Variants in C18orf63 observed in about 807,000 individuals in gnomAD.
The protein encoded by C18orf63 is uncharacterized protein C18orf63.
Under a neutral mutation model 75.3 loss-of-function variants are expected in C18orf63, and 50 were observed. The ratio of observed to expected loss-of-function variants is 0.66; its 90% CI spans 0.53 to 0.84. The LOEUF (loss-of-function observed/expected upper bound fraction) is 0.84. Among genes scored for constraint, C18orf63 ranks in the 40% least tolerant of loss-of-function variants. The pLI, the probability that C18orf63 is intolerant of heterozygous loss-of-function variation, is 0.00. For missense variants in C18orf63, 732 were observed against 800.2 expected (o/e 0.91, Z 1.03); for synonymous variants, 232 against 267.6 (o/e 0.87, Z 1.30).
At position 74,354,204 on chromosome 18, in the gene C18orf63, A is replaced by G. The variant is rs1599011076; in HGVS notation, c.1937A>G (p.Lys646Arg). ...SKRKLCPESS[K>R]TSKKHHSDTV... Reference sequence around the variant, plus strand: ...AGAAAATTATGTCCAGAGTCTTCCAAAACTTCAAAGAAGCATCATTCCGAT... The same window carrying G: ...AGAAAATTATGTCCAGAGTCTTCCAGAACTTCAAAGAAGCATCATTCCGAT... The change falls in exon 12 of 14, where the codon AAA becomes AGA. Residue 646 changes from lysine (K) to arginine (R), a missense_variant. Transcript: ENST00000579455. 4.6e-6 allele frequency: 7 copies of G among 1,536,100 alleles called. No homozygotes were observed. Among genetic ancestry groups the G allele is most frequent in the African/African-American group, 1.4e-5 (1 of 72,996 alleles).
At position 74,358,702 on chromosome 18, in the gene C18orf63, C is replaced by T. The variant is rs1189756229; in HGVS notation, c.*2255C>T. The T allele has an allele frequency of 6.6e-6, 1 of 152,010 alleles. No individual in the cohort carries two copies. The highest frequency in any genetic ancestry group is 1.5e-5 in the Non-Finnish European group (1 of 67,996). 9.4% of individuals were successfully genotyped at this position (152,010 alleles called of 1,614,324 possible). On this transcript the variant is annotated 3_prime_UTR_variant, in exon 14 of 14. Transcript: ENST00000579455. ...CCATAAGAAAATAATTTTATGTTTG[C>T]CTATGTCCAGGAGCTGAAGAAATCA... is the stretch of plus-strand genomic sequence containing the variant.
chr18:74,324,885 T>C (rs1234722242), intron 4 of C18orf63, among the ~76,000 whole-genome samples: 1 of 152,230 alleles, frequency 6.6e-6, no homozygotes, highest in African/African-American at 2.4e-5. Flanking sequence ...CAACCCTGAA[T>C]TCTTTATTAT....
intron 7 of C18orf63, among the ~76,000 whole-genome samples, chr18:74,336,696 T>G (rs1358506160): frequency 1.3e-5 from 2 of 152,080 alleles, no homozygotes; most frequent in Non-Finnish European, 2.9e-5. Flanking sequence ...TTCAAATGAA[T>G]GTACTAATGG....
chr18:74,353,823 C>T lies in C18orf63; in HGVS notation c.1556C>T (p.Ser519Phe), dbSNP rs1238344198. 10 of 1,535,932 alleles carry T rather than the reference C, an allele frequency of 6.5e-6. No individual in the cohort carries two copies. Among genetic ancestry groups the T allele is most frequent in the African/African-American group, 5.5e-5 (4 of 73,122 alleles). The stretch of plus-strand genomic sequence containing the variant: ...CTGCAAGAAAAAAATACAGAGTCTT[C>T]TGAAAATATGACAAAATTTCCCTCT... ...RPLQEKNTESSENMTKFPSSR... is the reference protein window; with the variant it reads ...RPLQEKNTESFENMTKFPSSR... Residue 519 changes from serine (S) to phenylalanine (F), a missense_variant, in exon 12 of 14, where the codon TCT becomes TTT. Transcript: ENST00000579455.
rs1253453817 is a variant in C18orf63 at position 74,358,410 on chromosome 18, T to C, written c.*1963T>C. On this transcript the variant is annotated 3_prime_UTR_variant, in exon 14 of 14. Coordinates refer to ENST00000579455, the MANE Select transcript of C18orf63 (RefSeq NM_001174123.2). ...TAATATAGATAGGTATATAGATTGT[T>C]GATTTCATATTTCATGTTCCAAGAA... 2.0e-5 allele frequency: 3 copies of C among 152,214 alleles called. No homozygotes were observed. The highest frequency in any genetic ancestry group is 4.4e-5 in the Non-Finnish European group (3 of 68,024). The allele number at this position is 152,214 out of a possible 1,614,324, so 9.4% of individuals were successfully genotyped here.
At chr18:74,319,284 T>A (rs1218917237) in intron 2 of C18orf63, among the ~76,000 whole-genome samples, 1 of 152,132 alleles carries the variant, frequency 6.6e-6, no homozygotes, top group African/African-American at 2.4e-5. Flanking sequence ...AGCATTTGGC[T>A]CTCTCTAGTA....
intron 1 of C18orf63, among the ~76,000 whole-genome samples, chr18:74,317,511 G>A (rs1486398768): frequency 6.6e-6 from 1 of 152,200 alleles, no homozygotes; most frequent in Non-Finnish European, 1.5e-5. Context: ...TATAGAAAAA[G>A]GAGTGATGAA....
chr18:74,341,787 C>T (rs1409687465), intron 8 of C18orf63, among the ~76,000 whole-genome samples: 1 of 151,536 alleles, frequency 6.6e-6, no homozygotes. Flanking sequence ...CTTAGCAATC[C>T]ACAATGTATA....
rs183129362 is a variant in C18orf63, at chr18:74,353,670, T to C, written c.1403T>C (p.Leu468Ser). ...RKQHDVTQSK[L>S]FSLKTSMIQH... is the part of the protein sequence containing the mutation. Reference sequence around the variant, plus strand: ...CAGCATGATGTGACACAATCTAAATTGTTTTCACTCAAAACTAGTATGATC... The same window carrying C: ...CAGCATGATGTGACACAATCTAAATCGTTTTCACTCAAAACTAGTATGATC... The change falls in exon 12 of 14, where the codon TTG (leucine) becomes TCG (serine). Residue 468 changes from leucine to serine, a missense_variant. Physicochemically the swap from Leu to Ser is moderately radical, Grantham distance 145. This residue lies in a region of C18orf63 where 495 missense variants were observed against 508.7 expected (regional missense o/e 0.97). Transcript: ENST00000579455. The C allele has an allele frequency of 6.0e-5, 92 of 1,536,148 alleles. No homozygotes were observed. The highest frequency in any genetic ancestry group is 4.8e-5 in the Non-Finnish European group (55 of 1,146,896).
At chr18:74,320,691 GATTA>G (rs1984106126) in intron 3 of C18orf63, 100 bp downstream of exon 3, 2 of 646,696 alleles carry the variant, frequency 3.1e-6, no homozygotes, top group South Asian at 2.4e-5. Context: ...TGTTTATGAG[GATTA>G]ATTGATTAAT....
Position 74,357,274 on chromosome 18 carries a change from A to C in C18orf63, c.*827A>C, listed in dbSNP as rs1230596917. ...AAATGGATGAGACAGCCGTGGCCTGAGCCCCTGAGTGCTGGTGGTCTAGTC... is the reference window on the plus strand; with the variant it reads ...AAATGGATGAGACAGCCGTGGCCTGCGCCCCTGAGTGCTGGTGGTCTAGTC... On this transcript the variant is annotated 3_prime_UTR_variant, in exon 14 of 14. Transcript: ENST00000579455. The C allele has an allele frequency of 6.6e-6, 1 of 152,200 alleles. No homozygotes were observed. The highest frequency in any genetic ancestry group is 1.5e-5 in the Non-Finnish European group (1 of 68,048). 9.4% of individuals were successfully genotyped at this position (152,200 alleles called of 1,614,324 possible). A position where few individuals can be genotyped will look rare whatever the true frequency, so the allele number is the denominator to read the frequency against.
chr18:74,338,617 A>G, intron 7 of C18orf63, 98 bp from the exon 8 acceptor site: 1 of 463,834 alleles, frequency 2.2e-6, no homozygotes, highest in South Asian at 6.8e-5. Context: ...AATCTACTTT[A>G]TAACCTACTG....
intron 7 of C18orf63, among the ~76,000 whole-genome samples, chr18:74,335,975 C>A (rs1312517529): frequency 6.6e-6 from 1 of 152,024 alleles, no homozygotes; most frequent in Non-Finnish European, 1.5e-5. Context: ...CTCCATTTTT[C>A]TTATAAATTG....
At position 74,354,665 on chromosome 18, in the gene C18orf63, A is replaced by T. The variant is rs1984733418; in HGVS notation, c.*33+119A>T. The T allele has an allele frequency of 6.8e-6, 4 of 586,864 alleles. No homozygotes were observed. The South Asian group carries it at 8.9e-5, about 13-fold the overall frequency. 36.4% of individuals were successfully genotyped at this position (586,864 alleles called of 1,614,324 possible). ...ACTTTTAAATTCTTTGAAACCGTAA[A>T]ATCAGCAAAGAAATAGGACATGGTG... On this transcript the variant is annotated intron_variant, in intron 13 of 13. Coordinates refer to ENST00000579455, the MANE Select transcript of C18orf63 (RefSeq NM_001174123.2).
chr18:74,330,686 G>T (rs1984290039), intron 6 of C18orf63, among the ~76,000 whole-genome samples, 180 bp from the exon 7 acceptor site: 1 of 151,942 alleles, frequency 6.6e-6, no homozygotes, highest in South Asian at 2.1e-4. Flanking sequence ...TCCTCTTTTA[G>T]ATGTCTCATC....
intron 5 of C18orf63, 80 bp downstream of exon 5, chr18:74,328,138 G>A (rs1984240524): frequency 1.2e-6 from 1 of 824,566 alleles, no homozygotes; most frequent in Non-Finnish European, 1.9e-6. Context: ...TTCTCATGCT[G>A]CTAATAAAGA....
At chr18:74,338,417 A>G (rs2145124466) in intron 7 of C18orf63, among the ~76,000 whole-genome samples, 2 of 152,172 alleles carry the variant, frequency 1.3e-5, no homozygotes, top group Middle Eastern at 6.8e-3. Context: ...AACTTCCTGC[A>G]AATTAACATA....
chr18:74,316,938 C>T (rs957508872), intron 1 of C18orf63, among the ~76,000 whole-genome samples: 6 of 152,128 alleles, frequency 3.9e-5, no homozygotes, highest in South Asian at 4.1e-4. Flanking sequence ...ATTGGCAAAA[C>T]GGGAGGACTT....
intron 8 of C18orf63, among the ~76,000 whole-genome samples, chr18:74,341,452 G>A (rs1457746712): frequency 6.6e-6 from 1 of 152,096 alleles, no homozygotes; most frequent in African/African-American, 2.4e-5. Flanking sequence ...GGAGGCCAAG[G>A]CAGGCAGTCA....
Sources: allele counts gnomAD v4.1 joint callset (sites outside exome capture counted in the v4.1 genomes callset), GRCh38; gene constraint gnomAD v4.1.1; regional missense constraint gnomAD v4.1.1; transcripts MANE v1.5; gene names NCBI Gene and HGNC (gene_info 2026-07-23, HGNC 2026-07-21).